Variants in GLRA1 observed in about 807,000 individuals in gnomAD.
GLRA1 encodes the protein glycine receptor subunit alpha-1.
GLRA1 carries 37 observed loss-of-function variants against 48.3 expected under a neutral mutation model. The ratio of observed to expected loss-of-function variants is 0.77; its 90% confidence interval spans 0.59 to 1.01. GLRA1 has a LOEUF of 1.01. GLRA1 is among the 50% of genes least tolerant of loss of function. GLRA1 has a pLI of 0.00. For synonymous variants in GLRA1, 196 were observed against 210.7 expected, an observed-to-expected ratio of 0.93 and a Z score of 0.60; for missense variants, 427 against 571.0, an observed-to-expected ratio of 0.75 and a Z score of 2.57.
At chr5:151,853,880 G>T (rs1327943219) in intron 6 of GLRA1, among the ~76,000 whole-genome samples, 1 of 151,814 alleles carries the variant, frequency 6.6e-6, no homozygotes, top group Non-Finnish European at 1.5e-5. Context: ...ATCTTAAAGT[G>T]TTCTTACTAG....
intron 8 of GLRA1, among the ~76,000 whole-genome samples, chr5:151,823,472 C>T (rs937123570): frequency 2.0e-5 from 3 of 152,288 alleles, no homozygotes; most frequent in East Asian, 1.9e-4. Context: ...CCCTCTTCCC[C>T]ATCCCATTCC....
At chr5:151,880,623 C>T (rs940492023) in intron 3 of GLRA1, among the ~76,000 whole-genome samples, 1 of 152,250 alleles carries the variant, frequency 6.6e-6, no homozygotes, top group Admixed American at 6.5e-5. Context: ...CTCTGTCTCT[C>T]TCTCTCATGT....
At chr5:151,899,993 A>C (rs1754323448) in intron 1 of GLRA1, among the ~76,000 whole-genome samples, 1 of 152,180 alleles carries the variant, frequency 6.6e-6, no homozygotes, top group Non-Finnish European at 1.5e-5. Flanking sequence ...ACTAAACCTT[A>C]AAATCTCATC....
chr5:151,891,084 C>A (rs1446608083), intron 2 of GLRA1, among the ~76,000 whole-genome samples: 2 of 152,220 alleles, frequency 1.3e-5, no homozygotes, highest in African/African-American at 4.8e-5. Flanking sequence ...TAGTCTTGAA[C>A]TTGAGCCAAA....
chr5:151,915,704 G>A (rs1323250603), intron 1 of GLRA1, among the ~76,000 whole-genome samples: 1 of 132,462 alleles, frequency 7.5e-6, no homozygotes, highest in Non-Finnish European at 1.6e-5. Flanking sequence ...TGTATGTAAT[G>A]TATATGTAAT....
At position 151,824,141 on chromosome 5, in the gene GLRA1, G is replaced by T. The variant is rs930752772; in HGVS notation, c.1060-1178C>A. 3.3e-5 allele frequency among the ~76,000 whole-genome samples: 5 copies of T among 151,174 alleles called. 1 individual carries two copies. The highest frequency in any genetic ancestry group is 1.3e-4 in the Admixed American group (2 of 15,162). ...CCTCTCCATCTCTCCTGTAGGGTAG[G>T]CCACCTTCTGATTTGTTTGTTTTGT... On this transcript the variant is annotated intron_variant, in intron 8 of 8. Coordinates refer to ENST00000274576, the MANE Select transcript of GLRA1 (RefSeq NM_000171.4).
intron 3 of GLRA1, among the ~76,000 whole-genome samples, chr5:151,877,668 C>T (rs1753659722): frequency 6.6e-6 from 1 of 152,078 alleles, no homozygotes; most frequent in Non-Finnish European, 1.5e-5. Flanking sequence ...CGGGTCTTTC[C>T]CATGCTGTTC....
chr5:151,904,529 A>T (rs1289962012), intron 1 of GLRA1, among the ~76,000 whole-genome samples: 2 of 151,982 alleles, frequency 1.3e-5, no homozygotes, highest in Non-Finnish European at 2.9e-5. Flanking sequence ...TCTAACTTTT[A>T]AATTACTATT....
chr5:151,829,313 A>G (rs1489977035), intron 7 of GLRA1, among the ~76,000 whole-genome samples: 5 of 152,236 alleles, frequency 3.3e-5, no homozygotes, highest in Non-Finnish European at 4.4e-5. Context: ...AGACAATGGT[A>G]TATTTAGCAT....
At chr5:151,877,984 GA>G in intron 3 of GLRA1, among the ~76,000 whole-genome samples, 1 of 152,292 alleles carries the variant, frequency 6.6e-6, no homozygotes, top group Middle Eastern at 3.4e-3. Flanking sequence ...CTGCTGAAAA[GA>G]TACCCAAAAA....
intron 1 of GLRA1, among the ~76,000 whole-genome samples, chr5:151,895,114 T>A (rs1180923072): frequency 6.6e-6 from 1 of 152,156 alleles, no homozygotes; most frequent in African/African-American, 2.4e-5. Flanking sequence ...ATATGGGGAT[T>A]AGAGTGTGCA....
rs115120707 is a variant in GLRA1, at chr5:151,900,830, A to G, written c.57-8392T>C. 8.0e-3 allele frequency among the ~76,000 whole-genome samples: 1,214 copies of G among 152,288 alleles called. 19 individuals carry two copies. Among genetic ancestry groups the G allele is most frequent in the African/African-American group, 0.028 (1,143 of 41,536 alleles). ...GTGTTATATAGACAAAACCCTGAAA[A>G]CATGATTTTCACAAACGTCTTTTCA... is the stretch of plus-strand genomic sequence containing the variant. On this transcript the variant is annotated intron_variant, in intron 1 of 8. Transcript: ENST00000274576.
intron 1 of GLRA1, among the ~76,000 whole-genome samples, chr5:151,905,635 G>A (rs1447307098): frequency 6.6e-6 from 1 of 152,150 alleles, no homozygotes; most frequent in East Asian, 1.9e-4. Flanking sequence ...CCATAGCAGA[G>A]TAAAGGAGCC....
intron 7 of GLRA1, among the ~76,000 whole-genome samples, chr5:151,844,574 A>G (rs549105021): frequency 7.6e-6 from 1 of 131,854 alleles, no homozygotes; most frequent in Non-Finnish European, 1.6e-5. Flanking sequence ...GTGAGCTGAG[A>G]TTGTGCCACT....
chr5:151,868,268 G>A (rs1434792794), intron 3 of GLRA1, among the ~76,000 whole-genome samples: 1 of 152,162 alleles, frequency 6.6e-6, no homozygotes, highest in African/African-American at 2.4e-5. Context: ...GAAAACTAAA[G>A]CCCTAAAAGC....
intron 6 of GLRA1, among the ~76,000 whole-genome samples, chr5:151,852,438 G>A (rs1016344306): frequency 6.6e-6 from 1 of 152,182 alleles, no homozygotes; most frequent in African/African-American, 2.4e-5. Context: ...GAGTGAATGG[G>A]CAAGTCAGTC....
At chr5:151,860,141 G>A in intron 3 of GLRA1, 133 bp from the exon 4 acceptor site, 1 of 714,096 alleles carries the variant, frequency 1.4e-6, no homozygotes, top group South Asian at 1.5e-5. Context: ...CTTATATGGG[G>A]GTGAGACATA....
At chr5:151,905,180 A>G (rs1228818890) in intron 1 of GLRA1, among the ~76,000 whole-genome samples, 1 of 152,156 alleles carries the variant, frequency 6.6e-6, no homozygotes, top group Non-Finnish European at 1.5e-5. Context: ...TTTTCCTCTG[A>G]TGATTAAAGC....
chr5:151,888,619 T>C (rs1753980124), intron 2 of GLRA1, among the ~76,000 whole-genome samples: 1 of 152,204 alleles, frequency 6.6e-6, no homozygotes, highest in South Asian at 2.1e-4. Flanking sequence ...AAGAATCATC[T>C]GGGAACCTGT....
Sources: allele counts gnomAD v4.1 joint callset (sites outside exome capture counted in the v4.1 genomes callset), GRCh38; gene constraint gnomAD v4.1.1; transcripts MANE v1.5; gene names NCBI Gene and HGNC (gene_info 2026-07-23, HGNC 2026-07-21).